PPIP5K1: variants seen among roughly 807,000 people sequenced by gnomAD.
PPIP5K1 encodes the protein inositol hexakisphosphate and diphosphoinositol-pentakisphosphate kinase 1.
PPIP5K1 carries 6 observed loss-of-function variants against 27.7 expected under a neutral mutation model. The observed-to-expected ratio is 0.22, with a 90% CI of 0.12 to 0.43. PPIP5K1 has a LOEUF of 0.43. PPIP5K1 is among the 20% of genes least tolerant of loss of function. The pLI, the probability that PPIP5K1 is intolerant of heterozygous loss-of-function variation, is 1.00. For synonymous variants in PPIP5K1, 145 were observed against 242.6 expected (o/e 0.60, Z 3.74); for missense variants, 394 against 635.4 (o/e 0.62, Z 4.08).
chr15:43,565,614 A>G (rs2084098221), intron 26 of PPIP5K1, among the ~76,000 whole-genome samples: 3 of 137,364 alleles, frequency 2.2e-5, no homozygotes, highest in Admixed American at 1.4e-4. Flanking sequence ...CAGTGGCACA[A>G]TCATAGCTCA....
chr15:43,550,449 G>A (rs569241122), intron 30 of PPIP5K1, among the ~76,000 whole-genome samples: 106 of 152,290 alleles, frequency 7.0e-4, no homozygotes, highest in Middle Eastern at 3.4e-3. Context: ...CCCAGTCTGA[G>A]TTCATCCTGT....
chr15:43,552,458 C>T (rs2082326207), intron 30 of PPIP5K1, among the ~76,000 whole-genome samples: 1 of 145,096 alleles, frequency 6.9e-6, no homozygotes, highest in South Asian at 2.1e-4. Context: ...GTAATCCTAG[C>T]ATTTTGGGAG....
intron 30 of PPIP5K1, among the ~76,000 whole-genome samples, chr15:43,545,686 T>C (rs1268140955): frequency 6.6e-6 from 1 of 152,096 alleles, no homozygotes; most frequent in African/African-American, 2.4e-5. Context: ...TGACTTTGAG[T>C]CAGAATTAGG....
chr15:43,551,517 CAAA>C (rs36075809), intron 30 of PPIP5K1, among the ~76,000 whole-genome samples: 1 of 115,516 alleles, frequency 8.7e-6, no homozygotes, highest in Non-Finnish European at 1.7e-5. Flanking sequence ...GACTCTGTCT[CAAA>C]AAAAAAAAAA....
chr15:43,538,318 T>C (rs979496720), intron 31 of PPIP5K1, among the ~76,000 whole-genome samples: 5 of 152,230 alleles, frequency 3.3e-5, no homozygotes, highest in African/African-American at 1.2e-4. Context: ...TTACCACCAG[T>C]AGCTCCTCCT....
intron 30 of PPIP5K1, among the ~76,000 whole-genome samples, chr15:43,542,600 CTT>C (rs1451867104): frequency 6.6e-6 from 1 of 150,564 alleles, no homozygotes; most frequent in East Asian, 2.0e-4. Flanking sequence ...GCACCCAGCT[CTT>C]GTTTTCATTC....
At chr15:43,538,930 G>T (rs1391958709) in intron 31 of PPIP5K1, among the ~76,000 whole-genome samples, 1 of 152,182 alleles carries the variant, frequency 6.6e-6, no homozygotes, top group Non-Finnish European at 1.5e-5. Context: ...CTTCCCCAAA[G>T]AGCGCTTTGA....
At chr15:43,543,589 A>C (rs1430636544) in intron 30 of PPIP5K1, among the ~76,000 whole-genome samples, 1 of 152,126 alleles carries the variant, frequency 6.6e-6, no homozygotes, top group Non-Finnish European at 1.5e-5. Flanking sequence ...CTAGTTGCTA[A>C]AGGAGCTCAT....
At chr15:43,544,785 C>T (rs893562625) in intron 30 of PPIP5K1, among the ~76,000 whole-genome samples, 1 of 152,206 alleles carries the variant, frequency 6.6e-6, no homozygotes, top group East Asian at 1.9e-4. Flanking sequence ...AGTACTCCAG[C>T]CTAGGTGACA....
intron 30 of PPIP5K1, among the ~76,000 whole-genome samples, chr15:43,552,536 A>AG (rs1567050349): frequency 2.0e-5 from 3 of 149,294 alleles, no homozygotes; most frequent in South Asian, 2.1e-4. Context: ...TATAAAAAAA[A>AG]AAAAAAAAAG....
chr15:43,553,640 CTG>C (rs34427127), intron 30 of PPIP5K1, among the ~76,000 whole-genome samples: 32 of 146,800 alleles, frequency 2.2e-4, no homozygotes, highest in Non-Finnish European at 4.0e-4. Flanking sequence ...TACTAATTTT[CTG>C]TGTGTTTTTT....
chr15:43,534,903 C>T lies in PPIP5K1; in HGVS notation c.4244G>A (p.Gly1415Asp). ...TACAAGGGTTTCCTGGACCAAGCTA[C>T]CAACCCCTACATGGAACTTATGGAC... Reference protein sequence around the residue: ...KLVHKFHVGVGSLVQETLVEV... With the variant: ...KLVHKFHVGVDSLVQETLVEV... The change falls in exon 32 of 32, where the codon GGT becomes GAT. Residue 1415 changes from glycine to aspartate, a missense_variant. By Grantham distance (94) the Gly-to-Asp change is moderately conservative. Around this residue, in one of 4 missense-constraint regions of PPIP5K1, gnomAD observed 379 missense variants for 423.9 expected, o/e 0.89. Coordinates refer to ENST00000420765, the MANE Select transcript of PPIP5K1 (RefSeq NM_001394395.1). The T allele has an allele frequency of 1.9e-6, 3 of 1,614,100 alleles. No individual in the cohort carries two copies. The highest frequency in any genetic ancestry group is 2.5e-6 in the Non-Finnish European group (3 of 1,180,000).
intron 30 of PPIP5K1, among the ~76,000 whole-genome samples, chr15:43,551,420 AGGCAGGAGAATC>A (rs1408957830): frequency 6.7e-6 from 1 of 149,932 alleles, no homozygotes; most frequent in African/African-American, 2.5e-5. Flanking sequence ...TGGGAGGCTG[AGGCAGGAGAATC>A]GTTTGAATGT....
chr15:43,537,956 CA>C (rs2140340495), intron 31 of PPIP5K1, among the ~76,000 whole-genome samples: 1 of 151,712 alleles, frequency 6.6e-6, no homozygotes, highest in East Asian at 1.9e-4. Flanking sequence ...TCAGGCAAAT[CA>C]AAAAGGTCAA....
intron 30 of PPIP5K1, among the ~76,000 whole-genome samples, chr15:43,551,641 C>T (rs1443121896): frequency 5.5e-5 from 5 of 90,294 alleles, no homozygotes; most frequent in African/African-American, 2.4e-4. Context: ...CTCGCTCTGT[C>T]GCCCAGGCTG....
intron 30 of PPIP5K1, among the ~76,000 whole-genome samples, chr15:43,552,824 C>T (rs959118342): frequency 6.6e-6 from 1 of 151,968 alleles, no homozygotes; most frequent in African/African-American, 2.4e-5. Flanking sequence ...AGGTGGATCA[C>T]CTGAGGTCAG....
rs762010116 is a variant in PPIP5K1, at chr15:43,558,858, C to T, written c.3493G>A (p.Val1165Met). The change falls in exon 30 of 32, where the codon GTG becomes ATG. Residue 1165 changes from valine (V) to methionine (M), a missense_variant. By Grantham distance (21) the Val-to-Met change is conservative. This residue lies in a region of PPIP5K1 where 379 missense variants were observed against 423.9 expected (regional missense o/e 0.89). Transcript: ENST00000420765. ...CAGACTCTACTCAAGAATTCACTCACTTGACGTAGGGAAAGGGCATTATGC... is the reference window on the plus strand; with the variant it reads ...CAGACTCTACTCAAGAATTCACTCATTTGACGTAGGGAAAGGGCATTATGC... ...TLHNALSLRQ[V>M]SEFLSRVCQR... The T allele has an allele frequency of 2.5e-6, 4 of 1,614,048 alleles. No homozygotes were observed. The African/African-American group carries it at 5.3e-5, about 22-fold the overall frequency.
At chr15:43,542,290 C>T (rs2080828741) in intron 30 of PPIP5K1, among the ~76,000 whole-genome samples, 1 of 101,950 alleles carries the variant, frequency 9.8e-6, no homozygotes. Context: ...GTCTTATTTA[C>T]TTAATTTTGG....
Position 43,558,861 on chromosome 15 carries a change from G to C in PPIP5K1, c.3490C>G (p.Gln1164Glu). The part of the protein sequence containing the change: ...ETLHNALSLR[Q>E]VSEFLSRVCQ... ...ACTCTACTCAAGAATTCACTCACTT[G>C]ACGTAGGGAAAGGGCATTATGCAGT... The change falls in exon 30 of 32, where the codon CAA (glutamine) becomes GAA (glutamate). Residue 1164 changes from glutamine (Q) to glutamate (E), a missense_variant. Transcript: ENST00000420765. 5 of 1,614,150 alleles carry C rather than the reference G, an allele frequency of 3.1e-6. No individual in the cohort carries two copies. The highest frequency in any genetic ancestry group is 4.2e-6 in the Non-Finnish European group (5 of 1,180,022).
Sources: gnomAD v4.1 joint callset for allele counts (sites outside exome capture counted in the v4.1 genomes callset) on GRCh38, gnomAD v4.1.1 for gene constraint, gnomAD v4.1.1 regional missense constraint, MANE v1.5 for transcripts, NCBI Gene and HGNC (gene_info 2026-07-23, HGNC 2026-07-21) for gene names.